Variants in PTGES observed in about 807,000 individuals in gnomAD.
PTGES encodes the protein MGST1-like 1.
PTGES carries 3 observed loss-of-function variants against 11.8 expected under a neutral mutation model. That is an observed-to-expected ratio of 0.25 (90% confidence interval 0.12 to 0.66). The LOEUF is 0.66. PTGES is among the 30% of genes least tolerant of loss of function. The pLI is 0.82. For synonymous variants in PTGES, 94 were observed against 90.4 expected (o/e 1.04, Z -0.22); for missense variants, 180 against 213.0 (o/e 0.85, Z 0.96).
At chr9:129,752,554 C>T (rs10121317) in intron 1 of PTGES, among the ~76,000 whole-genome samples, 2,430 of 152,364 alleles carry the variant, frequency 0.016, 59 homozygotes, top group African/African-American at 0.055. Context: ...GCCGGGAAGC[C>T]ACCAGGTTAG....
chr9:129,748,885 C>A, intron 1 of PTGES, 148 bp from the exon 2 acceptor site: 1 of 652,950 alleles, frequency 1.5e-6, no homozygotes, highest in Non-Finnish European at 2.5e-6. Context: ...CGATTCCTAC[C>A]CTGTGCCAGG....
rs201240330 is a variant in PTGES, at chr9:129,752,950, C to T, written c.63G>A (p.Thr21=). 3.5e-5 allele frequency: 56 copies of T among 1,613,024 alleles called. No individual in the cohort carries two copies. The African/African-American group carries it at 5.6e-4, about 16-fold the overall frequency. The change falls in exon 1 of 3, where the codon ACG becomes ACA. Residue 21 remains threonine (T), a synonymous_variant. Transcript: ENST00000340607. ...CCACGTACATCTTGATGACCAGCAGCGTGCTGCAGAGCAGGAAGGCCGGGA... is the reference window on the plus strand; with the variant it reads ...CCACGTACATCTTGATGACCAGCAGTGTGCTGCAGAGCAGGAAGGCCGGGA... ...PALPAFLLCS[T]LLVIKMYVVA... is the part of the protein sequence containing the mutation.
intron 1 of PTGES, 149 bp from the exon 2 acceptor site, chr9:129,748,886 C>G: frequency 1.5e-6 from 1 of 648,546 alleles, no homozygotes; most frequent in Non-Finnish European, 2.5e-6. Flanking sequence ...GATTCCTACC[C>G]TGTGCCAGGG....
intron 2 of PTGES, among the ~76,000 whole-genome samples, chr9:129,741,508 G>T (rs1250816204): frequency 3.3e-5 from 5 of 152,174 alleles, no homozygotes; most frequent in African/African-American, 1.2e-4. Context: ...CACAAGGAAA[G>T]CAAGTCTGTG....
intron 2 of PTGES, among the ~76,000 whole-genome samples, chr9:129,742,603 T>A (rs1564162313): frequency 6.6e-6 from 1 of 152,120 alleles, no homozygotes; most frequent in Non-Finnish European, 1.5e-5. Flanking sequence ...CCTTAAAGTA[T>A]GTGTTGATAT....
intron 1 of PTGES, 38 bp downstream of exon 1, chr9:129,752,849 G>C (rs1450738874): frequency 1.2e-6 from 2 of 1,613,666 alleles, no homozygotes. Flanking sequence ...AGAGAAGCAA[G>C]TATGACCCAG....
At chr9:129,740,034 A>G (rs1418301244) in intron 2 of PTGES, among the ~76,000 whole-genome samples, 174 bp from the exon 3 acceptor site, 1 of 151,932 alleles carries the variant, frequency 6.6e-6, no homozygotes, top group African/African-American at 2.4e-5. Flanking sequence ...CAGAGTCCAG[A>G]AGAAGGCAGC....
intron 2 of PTGES, among the ~76,000 whole-genome samples, chr9:129,746,063 G>A (rs978413812): frequency 1.3e-5 from 2 of 151,848 alleles, no homozygotes; most frequent in Non-Finnish European, 2.9e-5. Context: ...TGGTTGGGTG[G>A]AAATGTCTCG....
chr9:129,741,267 T>C (rs564177991), intron 2 of PTGES, among the ~76,000 whole-genome samples: 2 of 152,246 alleles, frequency 1.3e-5, no homozygotes, highest in African/African-American at 4.8e-5. Context: ...ATGTTCAATG[T>C]GCAGAAAGGT....
intron 2 of PTGES, among the ~76,000 whole-genome samples, chr9:129,742,345 A>AAAAAAC (rs1564162250): frequency 6.7e-6 from 1 of 149,376 alleles, no homozygotes; most frequent in Non-Finnish European, 1.5e-5. Flanking sequence ...AAAAAAAAAA[A>AAAAAAC]AAAAACATAA....
At chr9:129,752,837 G>A in intron 1 of PTGES, 50 bp downstream of exon 1, 1 of 1,613,222 alleles carries the variant, frequency 6.2e-7, no homozygotes, top group Non-Finnish European at 8.5e-7. Flanking sequence ...GACAGGACGT[G>A]GAGAGAAGCA....
chr9:129,744,890 A>T (rs1028586468), intron 2 of PTGES, among the ~76,000 whole-genome samples: 6 of 149,326 alleles, frequency 4.0e-5, no homozygotes, highest in African/African-American at 1.5e-4. Flanking sequence ...AAAAAAAAAA[A>T]ATTTTTTTTG....
At chr9:129,750,027 T>C (rs45437191) in intron 1 of PTGES, among the ~76,000 whole-genome samples, 5,051 of 152,024 alleles carry the variant, frequency 0.033, 272 homozygotes, top group African/African-American at 0.12. Flanking sequence ...GTGTGACGAG[T>C]GAGAGGGAGA....
At chr9:129,744,390 C>T (rs1384074121) in intron 2 of PTGES, among the ~76,000 whole-genome samples, 1 of 152,018 alleles carries the variant, frequency 6.6e-6, no homozygotes, top group Non-Finnish European at 1.5e-5. Context: ...AGCAACATAG[C>T]AAGATCCCGT....
intron 1 of PTGES, among the ~76,000 whole-genome samples, chr9:129,750,356 G>T (rs1449284105): frequency 6.6e-6 from 1 of 152,208 alleles, no homozygotes; most frequent in African/African-American, 2.4e-5. Context: ...ATGCAGCTCA[G>T]ATCTTCGAGA....
chr9:129,739,460 C>A lies in PTGES; in HGVS notation c.*151G>T. 1 of 1,064,078 alleles carries A rather than the reference C, an allele frequency of 9.4e-7. No individual in the cohort carries two copies. The highest frequency in any genetic ancestry group is 1.3e-6 in the Non-Finnish European group (1 of 758,666). The allele number at this position is 1,064,078 out of a possible 1,614,324, so 65.9% of individuals were successfully genotyped here. ...CACACACACGGGCACACACACAGGCCCACTGTGCCCAGAGACCCACACGCG... is the reference window on the plus strand; with the variant it reads ...CACACACACGGGCACACACACAGGCACACTGTGCCCAGAGACCCACACGCG... On this transcript the variant is annotated 3_prime_UTR_variant, in exon 3 of 3. Transcript: ENST00000340607. This position sits in a 1 kb window ranked among gnomAD's most constrained non-coding sequence, Gnocchi z 5.7.
rs1359620098 is a variant in PTGES at position 129,745,588 on chromosome 9, C to T, written c.209+3067G>A. ...TGGCAGAGGAGGGGCCCAGGGGACC[C>T]AGGCACTCCCCAGGTCTGACTTGGG... On this transcript the variant is annotated intron_variant, in intron 2 of 2. Transcript: ENST00000340607. This position sits in a 1 kb window ranked among gnomAD's most constrained non-coding sequence, Gnocchi z 4.2. Among the ~76,000 whole-genome samples, 3 of 152,292 alleles carry T rather than the reference C, an allele frequency of 2.0e-5. No individual in the cohort carries two copies. Among genetic ancestry groups the T allele is most frequent in the African/African-American group, 7.2e-5 (3 of 41,544 alleles).
At chr9:129,750,048 C>A (rs940247596) in intron 1 of PTGES, among the ~76,000 whole-genome samples, 1 of 152,172 alleles carries the variant, frequency 6.6e-6, no homozygotes, top group Non-Finnish European at 1.5e-5. Context: ...CCTGGAGAAG[C>A]CGCTAGGACA....
At chr9:129,741,021 C>T (rs945731717) in intron 2 of PTGES, among the ~76,000 whole-genome samples, 5 of 152,156 alleles carry the variant, frequency 3.3e-5, no homozygotes, top group African/African-American at 7.2e-5. Context: ...ACTGGCAAGA[C>T]GATTCTTGGG....
Sources: gnomAD v4.1 joint callset for allele counts (sites outside exome capture counted in the v4.1 genomes callset) on GRCh38, gnomAD v4.1.1 for gene constraint, Gnocchi (gnomAD v3.1) non-coding constraint, MANE v1.5 for transcripts, NCBI Gene and HGNC (gene_info 2026-07-23, HGNC 2026-07-21) for gene names.